Variants in RABGAP1L observed in about 807,000 individuals in gnomAD.
The protein encoded by RABGAP1L is rab GTPase-activating protein 1-like.
In RABGAP1L, 63 loss-of-function variants were observed where a neutral mutation model predicts 137.7. The observed-to-expected ratio is 0.46, with a 90% CI of 0.37 to 0.56. The LOEUF is 0.56. Among genes scored for constraint, RABGAP1L ranks in the 20% least tolerant of loss-of-function variants. The pLI, the probability that RABGAP1L is intolerant of heterozygous loss-of-function variation, is 0.00. For missense variants in RABGAP1L, 1,095 were observed against 1,244.0 expected (o/e 0.88, Z 1.80); for synonymous variants, 431 against 433.7 (o/e 0.99, Z 0.08).
intron 19 of RABGAP1L, among the ~76,000 whole-genome samples, chr1:174,926,175 C>T (rs1662812134): frequency 1.3e-5 from 2 of 151,970 alleles, no homozygotes; most frequent in African/African-American, 4.8e-5. Context: ...GCTAGTATGT[C>T]ACAGTTTCAA....
chr1:174,449,684 A>C lies in RABGAP1L; in HGVS notation c.1710+55539A>C, dbSNP rs964556585. Among the ~76,000 whole-genome samples the C allele has an allele frequency of 1.4e-4, 22 of 152,364 alleles. 1 individual carries two copies. The highest frequency in any genetic ancestry group is 1.4e-3 in the Admixed American group (21 of 15,304). ...TGCATCAAAGTGTACCTTTAATCAC[A>C]CTAATCTATAATCCATAAGTGATCT... On this transcript the variant is annotated intron_variant, in intron 13 of 25. Coordinates refer to ENST00000681986, the MANE Select transcript of RABGAP1L (RefSeq NM_001366446.1).
chr1:174,415,177 A>G (rs1258772601), intron 13 of RABGAP1L, among the ~76,000 whole-genome samples: 3 of 152,120 alleles, frequency 2.0e-5, no homozygotes, highest in Non-Finnish European at 4.4e-5. Context: ...AATTAATTCA[A>G]TATGTTGCAA....
chr1:174,810,452 G>A (rs1170043531), intron 18 of RABGAP1L, among the ~76,000 whole-genome samples: 1 of 152,196 alleles, frequency 6.6e-6, no homozygotes, highest in East Asian at 1.9e-4. Context: ...CTTGGACCAG[G>A]GTGGTGATGA....
At chr1:174,501,199 T>G (rs1361421717) in intron 13 of RABGAP1L, among the ~76,000 whole-genome samples, 2 of 151,828 alleles carry the variant, frequency 1.3e-5, no homozygotes, top group Admixed American at 6.6e-5. Context: ...TAACTTGATT[T>G]TCTCACTTTG....
chr1:174,187,636 A>T (rs1666905665), intron 1 of RABGAP1L, among the ~76,000 whole-genome samples: 1 of 152,138 alleles, frequency 6.6e-6, no homozygotes, highest in African/African-American at 2.4e-5. Context: ...AATAATGCAA[A>T]TTTACTAAAA....
At chr1:174,346,054 T>A (rs929128414) in intron 11 of RABGAP1L, among the ~76,000 whole-genome samples, 3 of 152,304 alleles carry the variant, frequency 2.0e-5, no homozygotes, top group Middle Eastern at 3.4e-3. Flanking sequence ...ATTGATTGAT[T>A]TGTGTATGTT....
At position 174,245,566 on chromosome 1, in the gene RABGAP1L, T is replaced by C. The variant is rs369697509; in HGVS notation, c.717+3909T>C. The C allele has an allele frequency of 8.5e-5, 13 of 152,302 alleles. No individual in the cohort carries two copies. The East Asian group carries it at 1.5e-3, about 18-fold the overall frequency. 9.4% of individuals were successfully genotyped at this position (152,302 alleles called of 1,614,324 possible). On this transcript the variant is annotated intron_variant, in intron 5 of 25. Coordinates refer to ENST00000681986, the MANE Select transcript of RABGAP1L (RefSeq NM_001366446.1). ...GAATAATGTATTTGAGCTAGCTGTT[T>C]TAAAAATTTTAATACATACCTTTCA... is the stretch of plus-strand genomic sequence containing the variant.
At chr1:174,728,642 G>A (rs149335255) in intron 17 of RABGAP1L, among the ~76,000 whole-genome samples, 3,193 of 133,746 alleles carry the variant, frequency 0.024, 52 homozygotes, top group Middle Eastern at 0.096. Context: ...GTGTTGCCCA[G>A]GCTGGAGTGC....
intron 19 of RABGAP1L, among the ~76,000 whole-genome samples, chr1:174,870,101 T>C (rs533518810): frequency 3.2e-4 from 48 of 152,332 alleles, no homozygotes; most frequent in Non-Finnish European, 5.3e-4. Flanking sequence ...ATGGCATAAA[T>C]GGAAGCTAGA....
At chr1:174,635,133 T>A (rs1202274253) in intron 13 of RABGAP1L, among the ~76,000 whole-genome samples, 1 of 152,106 alleles carries the variant, frequency 6.6e-6, no homozygotes, top group Non-Finnish European at 1.5e-5. Flanking sequence ...TTTTTCTTTT[T>A]ACCAATTTTT....
At chr1:174,788,573 C>T (rs1048082120) in intron 18 of RABGAP1L, among the ~76,000 whole-genome samples, 1 of 152,194 alleles carries the variant, frequency 6.6e-6, no homozygotes, top group African/African-American at 2.4e-5. Context: ...CTTAAGCTGT[C>T]CTGCCCTCTG....
At chr1:174,892,896 A>ATTTTTTTTTT (rs748971722) in intron 19 of RABGAP1L, among the ~76,000 whole-genome samples, 363 of 91,884 alleles carry the variant, frequency 4.0e-3, no homozygotes, top group Non-Finnish European at 4.9e-3. Context: ...CACCCAGCTA[A>ATTTTTTTTTT]TTTTTTTTTT....
At chr1:174,449,108 G>A (rs1655135350) in intron 13 of RABGAP1L, 1 of 1,613,798 alleles carries the variant, frequency 6.2e-7, no homozygotes, top group African/African-American at 1.3e-5. Flanking sequence ...AAGACTGTCT[G>A]AGACAATGTG....
Position 174,399,948 on chromosome 1 carries a change from T to C in RABGAP1L, c.1710+5803T>C, listed in dbSNP as rs149947635. On this transcript the variant is annotated intron_variant, in intron 13 of 25. Transcript: ENST00000681986. ...TGGGTAGGGACACAGCCAAACCATA[T>C]CATATTTCAGAAAATTTACTTAAGG... Among the ~76,000 whole-genome samples the C allele has an allele frequency of 4.6e-5, 7 of 152,158 alleles. No homozygotes were observed. In the East Asian group the frequency reaches 1.4e-3, roughly 29 times the overall value.
At chr1:174,313,397 T>C (rs1679051086) in intron 11 of RABGAP1L, among the ~76,000 whole-genome samples, 1 of 152,222 alleles carries the variant, frequency 6.6e-6, no homozygotes, top group Admixed American at 6.5e-5. Context: ...TATAAGATTA[T>C]GTCATCTGCA....
intron 18 of RABGAP1L, among the ~76,000 whole-genome samples, chr1:174,765,279 T>C (rs549426724): frequency 4.6e-5 from 7 of 152,350 alleles, no homozygotes; most frequent in African/African-American, 1.7e-4. Flanking sequence ...ACATCTTTTC[T>C]AGTCTACAGC....
chr1:174,586,163 A>G (rs138190123), intron 13 of RABGAP1L, among the ~76,000 whole-genome samples: 12,046 of 152,220 alleles, frequency 0.079, 655 homozygotes, highest in East Asian at 0.32. Flanking sequence ...AGAAAATGTG[A>G]TACATATACA....
chr1:174,398,599 C>T (rs906996164), intron 13 of RABGAP1L, among the ~76,000 whole-genome samples: 5 of 152,182 alleles, frequency 3.3e-5, no homozygotes, highest in African/African-American at 1.2e-4. Context: ...TTTCTGAACC[C>T]AGTCTATCAC....
chr1:174,457,475 ATCT>A (rs1414585874), intron 13 of RABGAP1L, among the ~76,000 whole-genome samples: 4 of 135,930 alleles, frequency 2.9e-5, no homozygotes, highest in African/African-American at 1.2e-4. Flanking sequence ...CTCAGGCATC[ATCT>A]TTTTTTTTTT....
Sources: gnomAD v4.1 joint callset for allele counts (sites outside exome capture counted in the v4.1 genomes callset) on GRCh38, gnomAD v4.1.1 for gene constraint, MANE v1.5 for transcripts, NCBI Gene and HGNC (gene_info 2026-07-23, HGNC 2026-07-21) for gene names.